CAPZB: variants seen among roughly 807,000 people sequenced by gnomAD.
The protein encoded by CAPZB is F-actin-capping protein subunit beta.
In CAPZB, 2 loss-of-function variants were observed where a neutral mutation model predicts 38.1. The observed-to-expected ratio is 0.05, with a 90% CI of 0.02 to 0.17. The LOEUF is 0.17. CAPZB is among the 10% of genes least tolerant of loss of function. CAPZB has a pLI of 1.00. For missense variants in CAPZB, 161 were observed against 334.2 expected (o/e 0.48, Z 4.04); for synonymous variants, 107 against 127.4 (o/e 0.84, Z 1.08).
chr1:19,394,964 C>G (rs1012007670), intron 2 of CAPZB, among the ~76,000 whole-genome samples: 2 of 152,154 alleles, frequency 1.3e-5, no homozygotes, highest in African/African-American at 2.4e-5. Context: ...CAGCTCCCCA[C>G]AAGCCCTGTG....
chr1:19,437,866 T>C (rs2094463152), intron 1 of CAPZB, among the ~76,000 whole-genome samples: 2 of 152,182 alleles, frequency 1.3e-5, no homozygotes, highest in Non-Finnish European at 1.5e-5. Flanking sequence ...CCAAAACTAA[T>C]AGAAGGCTCG....
At chr1:19,430,420 C>A (rs1451797089) in intron 1 of CAPZB, among the ~76,000 whole-genome samples, 4 of 152,196 alleles carry the variant, frequency 2.6e-5, no homozygotes, top group Non-Finnish European at 5.9e-5. Flanking sequence ...ACTGTTTACA[C>A]TCCAAAACCT....
At chr1:19,476,939 C>A (rs983216989) in intron 1 of CAPZB, among the ~76,000 whole-genome samples, 1 of 152,216 alleles carries the variant, frequency 6.6e-6, no homozygotes, top group Non-Finnish European at 1.5e-5. Context: ...CATCAGCATG[C>A]GCTGAGTGCG....
intron 1 of CAPZB, among the ~76,000 whole-genome samples, chr1:19,450,380 T>C (rs917449540): frequency 3.3e-5 from 5 of 152,164 alleles, no homozygotes; most frequent in Non-Finnish European, 7.3e-5. Context: ...AAAGAACATT[T>C]CCTTTGAGCC....
intron 2 of CAPZB, among the ~76,000 whole-genome samples, chr1:19,412,521 G>A (rs1211819261): frequency 6.6e-6 from 1 of 152,094 alleles, no homozygotes; most frequent in Admixed American, 6.6e-5. Context: ...GGGTTCAAGC[G>A]ATCCTTCCAC....
chr1:19,407,693 T>G (rs1266517962), intron 2 of CAPZB, among the ~76,000 whole-genome samples: 1 of 152,128 alleles, frequency 6.6e-6, no homozygotes, highest in Non-Finnish European at 1.5e-5. Context: ...GAGATCAACC[T>G]AAGACTCCTT....
intron 1 of CAPZB, among the ~76,000 whole-genome samples, chr1:19,470,315 A>C (rs1386264074): frequency 6.6e-6 from 1 of 152,216 alleles, no homozygotes; most frequent in East Asian, 1.9e-4. Context: ...TGTTACGATG[A>C]TTCCTGTCCC....
chr1:19,395,304 G>C (rs1236344915), intron 2 of CAPZB, among the ~76,000 whole-genome samples: 1 of 152,194 alleles, frequency 6.6e-6, no homozygotes, highest in Non-Finnish European at 1.5e-5. Flanking sequence ...ATTCTACTTA[G>C]AAATGAGTCT....
intron 7 of CAPZB, 91 bp from the exon 8 acceptor site, chr1:19,344,525 T>G: frequency 3.0e-6 from 3 of 1,003,296 alleles, no homozygotes; most frequent in Non-Finnish European, 4.8e-6. Context: ...CAGTCCCCAG[T>G]GTGGCCACTG....
intron 4 of CAPZB, among the ~76,000 whole-genome samples, chr1:19,368,311 G>A (rs1049346434): frequency 1.3e-5 from 2 of 152,054 alleles, no homozygotes; most frequent in African/African-American, 4.8e-5. Flanking sequence ...TTAGATGCCC[G>A]TATGAAGCCA....
chr1:19,345,810 G>A (rs116542714), intron 6 of CAPZB, among the ~76,000 whole-genome samples: 1 of 152,386 alleles, frequency 6.6e-6, no homozygotes, highest in African/African-American at 2.4e-5. Flanking sequence ...CCCTAGTCAT[G>A]CAGGTGGCAA....
chr1:19,431,463 G>A (rs973977186), intron 1 of CAPZB, among the ~76,000 whole-genome samples: 2 of 152,188 alleles, frequency 1.3e-5, no homozygotes, highest in Admixed American at 6.5e-5. Flanking sequence ...ACTTTGGGAG[G>A]CCAAGGTGGG....
chr1:19,379,224 G>A (rs1057352404), intron 3 of CAPZB, among the ~76,000 whole-genome samples: 2 of 151,656 alleles, frequency 1.3e-5, no homozygotes, highest in South Asian at 4.2e-4. Context: ...TCAGCCTCCT[G>A]AGTAGCTGGA....
intron 1 of CAPZB, among the ~76,000 whole-genome samples, chr1:19,431,748 TAA>T (rs137943703): frequency 1.4e-5 from 2 of 137,940 alleles, no homozygotes; most frequent in African/African-American, 5.1e-5. Flanking sequence ...AAATAAAAAA[TAA>T]AAAAAAAGAA....
At chr1:19,429,242 G>A (rs940553012) in intron 1 of CAPZB, among the ~76,000 whole-genome samples, 1 of 151,398 alleles carries the variant, frequency 6.6e-6, no homozygotes, top group African/African-American at 2.4e-5. Flanking sequence ...CTGCTATGAG[G>A]TTGAGAACCC....
Position 19,378,525 on chromosome 1 carries a change from G to T in CAPZB, c.329+15C>A. On this transcript the variant is annotated intron_variant, in intron 4 of 8. Transcript: ENST00000264202. ...ACTCACAAGCGCTAAAGTGCAACAG[G>T]AGAAAATGACTCACAGGTCTCGATA... is the stretch of plus-strand genomic sequence containing the variant. 1 of 1,438,514 alleles carries T rather than the reference G, an allele frequency of 7.0e-7. No individual in the cohort carries two copies. The highest frequency in any genetic ancestry group is 9.8e-7 in the Non-Finnish European group (1 of 1,019,690). 89.1% of individuals were successfully genotyped at this position (1,438,514 alleles called of 1,614,324 possible). A position where few individuals can be genotyped will look rare whatever the true frequency, so the allele number is the denominator to read the frequency against.
At chr1:19,476,214 AGATAGATAGAT>A (rs1431294645) in intron 1 of CAPZB, among the ~76,000 whole-genome samples, 1 of 132,704 alleles carries the variant, frequency 7.5e-6, no homozygotes, top group Non-Finnish European at 1.6e-5. Context: ...ATAGATAGAT[AGATAGATAGAT>A]AGGCAGGCAG....
chr1:19,353,862 CGT>C (rs1038757266), intron 6 of CAPZB, among the ~76,000 whole-genome samples: 9 of 152,212 alleles, frequency 5.9e-5, no homozygotes, highest in African/African-American at 1.9e-4. Flanking sequence ...GCCTTGACGC[CGT>C]GTGCGGCTCT....
Position 19,383,505 on chromosome 1 carries a change from AG to A in CAPZB, c.215+1999del, listed in dbSNP as rs2094187127. On this transcript the variant is annotated intron_variant, in intron 3 of 8. Transcript: ENST00000264202. ...GTGATACATGCCTATGGTCTTGTGC[AG>A]GGGGCCATGTTCGCATCACTGCACT... Among the ~76,000 whole-genome samples, 3 of 151,594 alleles carry A rather than the reference AG, an allele frequency of 2.0e-5. No individual in the cohort carries two copies. The South Asian group carries it at 6.3e-4, about 32-fold the overall frequency.
Sources: allele counts gnomAD v4.1 joint callset (sites outside exome capture counted in the v4.1 genomes callset), GRCh38; gene constraint gnomAD v4.1.1; transcripts MANE v1.5; gene names NCBI Gene and HGNC (gene_info 2026-07-23, HGNC 2026-07-21).